Variants in ITGA3 observed in about 807,000 individuals in gnomAD.
The protein encoded by ITGA3 is integrin subunit alpha 3, also known as integrin alpha-3.
ITGA3 carries 70 observed loss-of-function variants against 131.1 expected under a neutral mutation model. The ratio of observed to expected loss-of-function variants is 0.53; its 90% confidence interval spans 0.44 to 0.65. ITGA3 has a LOEUF of 0.65. ITGA3 is among the 30% of genes least tolerant of loss of function. The pLI, the probability that ITGA3 is intolerant of heterozygous loss-of-function variation, is 0.00. For synonymous variants in ITGA3, 537 were observed against 571.6 expected (o/e 0.94, Z 0.86); for missense variants, 1,098 against 1,388.6 (o/e 0.79, Z 3.33).
At chr17:50,058,118 A>C (rs1054418453) in intron 1 of ITGA3, among the ~76,000 whole-genome samples, 6 of 152,228 alleles carry the variant, frequency 3.9e-5, no homozygotes, top group Non-Finnish European at 7.3e-5. Flanking sequence ...ACTGGAAAGA[A>C]AGAGTCAATA....
At chr17:50,080,686 G>A (rs1479527489) in intron 22 of ITGA3, among the ~76,000 whole-genome samples, 3 of 151,782 alleles carry the variant, frequency 2.0e-5, no homozygotes, top group Non-Finnish European at 2.9e-5. Flanking sequence ...CCCCTATTTT[G>A]TTTTCAAGGT....
At chr17:50,063,949 T>G in intron 1 of ITGA3, 128 bp from the exon 2 acceptor site, 1 of 1,337,518 alleles carries the variant, frequency 7.5e-7, no homozygotes, top group South Asian at 1.4e-5. Flanking sequence ...ACTGGGCACT[T>G]CTGGAGGGCA....
chr17:50,082,364 A>G (rs1338034045), intron 23 of ITGA3, among the ~76,000 whole-genome samples: 1 of 152,134 alleles, frequency 6.6e-6, no homozygotes, highest in Non-Finnish European at 1.5e-5. Flanking sequence ...TTTTTAGTAC[A>G]GACAGGGTTT....
intron 10 of ITGA3, among the ~76,000 whole-genome samples, chr17:50,074,838 T>C (rs959889586): frequency 6.6e-6 from 1 of 152,186 alleles, no homozygotes; most frequent in Non-Finnish European, 1.5e-5. Flanking sequence ...CGCATTTAAG[T>C]GGATGGATAT....
rs757681039 is a variant in ITGA3 at position 50,081,380 on chromosome 17, CCAT to C, written c.2894_2896del (p.Ile965del). On this transcript the variant is annotated inframe_deletion, in exon 23 of 26. Coordinates refer to ENST00000320031, the MANE Select transcript of ITGA3 (RefSeq NM_002204.4). Reference sequence around the variant, plus strand: ...CTATTCCTCCGAACCAGCATCCCCACCATCAACATGGAGAACAAGACCACGTGG... The same window carrying C: ...CTATTCCTCCGAACCAGCATCCCCACCAACATGGAGAACAAGACCACGTGG... 6.9e-6 allele frequency: 11 copies of C among 1,586,814 alleles called. No homozygotes were observed. Among genetic ancestry groups the C allele is most frequent in the Non-Finnish European group, 7.7e-6 (9 of 1,164,844 alleles).
intron 18 of ITGA3, 63 bp downstream of exon 18, chr17:50,078,347 C>T: frequency 7.2e-7 from 1 of 1,382,886 alleles, no homozygotes; most frequent in Non-Finnish European, 1.0e-6. Context: ...GTTCCCTATC[C>T]CCAAGCTATC....
intron 4 of ITGA3, among the ~76,000 whole-genome samples, chr17:50,070,073 T>C (rs1436738344): frequency 6.6e-6 from 1 of 152,140 alleles, no homozygotes; most frequent in African/African-American, 2.4e-5. Context: ...TGTAGCACCT[T>C]GGCAAAGTCA....
At chr17:50,068,008 C>T (rs761431632) in intron 3 of ITGA3, 48 bp from the exon 4 acceptor site, 73 of 1,608,112 alleles carry the variant, frequency 4.5e-5, no homozygotes, top group Non-Finnish European at 5.6e-5. Context: ...ACAGCTGACC[C>T]GGGTCCCTGT....
Position 50,064,283 on chromosome 17 carries a change from G to T in ITGA3, c.334+79G>T. 1 of 1,521,676 alleles carries T rather than the reference G, an allele frequency of 6.6e-7. No homozygotes were observed. Among genetic ancestry groups the T allele is most frequent in the Non-Finnish European group, 8.9e-7 (1 of 1,128,576 alleles). 94.3% of individuals were successfully genotyped at this position (1,521,676 alleles called of 1,614,324 possible). A position where few individuals can be genotyped will look rare whatever the true frequency, so the allele number is the denominator to read the frequency against. On this transcript the variant is annotated intron_variant, in intron 2 of 25. Coordinates refer to ENST00000320031, the MANE Select transcript of ITGA3 (RefSeq NM_002204.4). The surrounding 1 kb of genome is among the most constrained non-coding windows in gnomAD (Gnocchi z 4.4). The stretch of plus-strand genomic sequence containing the variant: ...ACCGCAGAGAGAATGGCCTGGAGGA[G>T]ATAGAAGGCTTGTTCACACGGCTTC...
At chr17:50,087,242 C>T (rs1440770196) in intron 23 of ITGA3, 1 of 152,564 alleles carries the variant, frequency 6.6e-6, no homozygotes, top group Admixed American at 6.5e-5. Context: ...TCCCATTTTA[C>T]AGATGAACAA....
At chr17:50,076,924 A>G in intron 14 of ITGA3, 50 bp from the exon 15 acceptor site, 1 of 1,568,070 alleles carries the variant, frequency 6.4e-7, no homozygotes, top group Non-Finnish European at 8.7e-7. Context: ...TTGATCCGGG[A>G]GTGCCCTGGG....
chr17:50,079,345 G>T, intron 20 of ITGA3, 87 bp downstream of exon 20: 3 of 1,561,986 alleles, frequency 1.9e-6, no homozygotes, highest in East Asian at 4.5e-5. Flanking sequence ...TACCCCTTTG[G>T]CAAGCTGTCT....
chr17:50,064,847 C>A lies in ITGA3; in HGVS notation c.414+240C>A. 4 of 448,240 alleles carry A rather than the reference C, an allele frequency of 8.9e-6. No individual in the cohort carries two copies. The highest frequency in any genetic ancestry group is 1.6e-5 in the Non-Finnish European group (4 of 250,974). The allele number at this position is 448,240 out of a possible 1,614,324, so 27.8% of individuals were successfully genotyped here. On this transcript the variant is annotated intron_variant, in intron 3 of 25. Transcript: ENST00000320031. The surrounding 1 kb of genome is among the most constrained non-coding windows in gnomAD (Gnocchi z 4.4). ...GAGTTCTCTGACTCATCCACTTCCT[C>A]CGCATGCCTACACTGGGTGCTCAGC...
chr17:50,056,668 G>A lies in ITGA3; in HGVS notation c.206+23G>A, dbSNP rs1907840977. ...CCTGTAAGTGAAGCTGGAGGGTGTGGGGTGGGAGCGAGAGAGTGTGCGAGC... is the reference window on the plus strand; with the variant it reads ...CCTGTAAGTGAAGCTGGAGGGTGTGAGGTGGGAGCGAGAGAGTGTGCGAGC... On this transcript the variant is annotated intron_variant, in intron 1 of 25. Coordinates refer to ENST00000320031, the MANE Select transcript of ITGA3 (RefSeq NM_002204.4). This position sits in a 1 kb window ranked among gnomAD's most constrained non-coding sequence, Gnocchi z 5.6. The A allele has an allele frequency of 2.5e-6, 4 of 1,588,108 alleles. No individual in the cohort carries two copies. Among genetic ancestry groups the A allele is most frequent in the Non-Finnish European group, 3.4e-6 (4 of 1,168,358 alleles).
rs749750178 is a variant in ITGA3 at position 50,074,016 on chromosome 17, C to T, written c.1245+12C>T. 24 of 1,597,818 alleles carry T rather than the reference C, an allele frequency of 1.5e-5. No individual in the cohort carries two copies. Among genetic ancestry groups the T allele is most frequent in the South Asian group, 3.3e-5 (3 of 90,770 alleles). ...GACAGCCCCAGCAGGTACAGAGAGA[C>T]GGGGATGGGTCTGCTGCCCCCACCA... is the stretch of plus-strand genomic sequence containing the variant. On this transcript the variant is annotated intron_variant, in intron 8 of 25. Coordinates refer to ENST00000320031, the MANE Select transcript of ITGA3 (RefSeq NM_002204.4).
At chr17:50,076,174 T>G in intron 12 of ITGA3, 152 bp from the exon 13 acceptor site, 1 of 776,226 alleles carries the variant, frequency 1.3e-6, no homozygotes, top group Non-Finnish European at 2.0e-6. Flanking sequence ...AAGTCGCAAT[T>G]TGGCGACCGG....
chr17:50,090,020 G>T lies in ITGA3; in HGVS notation c.*942G>T. 3.7e-6 allele frequency: 1 copy of T among 269,320 alleles called. No individual in the cohort carries two copies. Among genetic ancestry groups the T allele is most frequent in the Non-Finnish European group, 7.7e-6 (1 of 130,066 alleles). 16.7% of individuals were successfully genotyped at this position (269,320 alleles called of 1,614,324 possible). Reference sequence around the variant, plus strand: ...GCACGGCGGGATCCTCCACAGAGAGGAGGGGACCAATTCTGGACAGACAGA... The same window carrying T: ...GCACGGCGGGATCCTCCACAGAGAGTAGGGGACCAATTCTGGACAGACAGA... On this transcript the variant is annotated 3_prime_UTR_variant, in exon 26 of 26. Transcript: ENST00000320031.
intron 22 of ITGA3, 113 bp downstream of exon 22, chr17:50,080,488 G>GTA: frequency 1.7e-6 from 1 of 600,700 alleles, no homozygotes; most frequent in African/African-American, 1.9e-5. Context: ...GTGTGTGTGT[G>GTA]TGTGTGTGTG....
intron 4 of ITGA3, among the ~76,000 whole-genome samples, chr17:50,068,641 G>T (rs967118937): frequency 1.3e-5 from 2 of 151,226 alleles, no homozygotes; most frequent in African/African-American, 2.4e-5. Context: ...AGCTATGACC[G>T]CAGGCATGTG....
Sources: allele counts gnomAD v4.1 joint callset (sites outside exome capture counted in the v4.1 genomes callset), GRCh38; gene constraint gnomAD v4.1.1; non-coding constraint Gnocchi (gnomAD v3.1); transcripts MANE v1.5; gene names NCBI Gene and HGNC (gene_info 2026-07-23, HGNC 2026-07-21).